Variants in DENND2C observed in about 807,000 individuals in gnomAD.
The protein encoded by DENND2C is DENN domain-containing protein 2C.
In DENND2C, 72 loss-of-function variants were observed where a neutral mutation model predicts 112.4. That is an observed-to-expected ratio of 0.64 (90% CI 0.53 to 0.78). The LOEUF is 0.78. Ranked by LOEUF, DENND2C falls within the 30% of genes least tolerant of loss-of-function variation. The pLI is 0.00. For missense variants in DENND2C, 992 were observed against 1,113.8 expected (o/e 0.89, Z 1.56); for synonymous variants, 329 against 381.6 (o/e 0.86, Z 1.61).
chr1:114,599,651 T>C (rs1224930890), intron 15 of DENND2C, among the ~76,000 whole-genome samples, 200 bp from the exon 16 acceptor site: 1 of 152,208 alleles, frequency 6.6e-6, no homozygotes, highest in Non-Finnish European at 1.5e-5. Flanking sequence ...ATCCAGCTCA[T>C]TTCCACAATT....
chr1:114,603,195 C>T (rs1655564379), intron 11 of DENND2C, among the ~76,000 whole-genome samples: 1 of 151,334 alleles, frequency 6.6e-6, no homozygotes, highest in South Asian at 2.1e-4. Context: ...GGCTGGAGTG[C>T]AGTGGCGCAA....
Position 114,618,595 on chromosome 1 carries a change from A to C in DENND2C, c.1228-113T>G, listed in dbSNP as rs1254041316. 3 of 546,240 alleles carry C rather than the reference A, an allele frequency of 5.5e-6. No individual in the cohort carries two copies. The East Asian group carries it at 1.0e-4, about 18-fold the overall frequency. The allele number at this position is 546,240 out of a possible 1,614,324, so 33.8% of individuals were successfully genotyped here. ...CAGAGAAAAGACCTATTTTATAAATAGAAACCTTTACCTTTTTGAATTTTG... is the reference window on the plus strand; with the variant it reads ...CAGAGAAAAGACCTATTTTATAAATCGAAACCTTTACCTTTTTGAATTTTG... On this transcript the variant is annotated intron_variant, in intron 7 of 20. Coordinates refer to ENST00000393274, the MANE Select transcript of DENND2C (RefSeq NM_001256404.2).
Position 114,599,352 on chromosome 1 carries a change from G to A in DENND2C, c.2205C>T (p.Ile735=), listed in dbSNP as rs762792966. 73 of 1,614,074 alleles carry A rather than the reference G, an allele frequency of 4.5e-5. No homozygotes were observed. The Middle Eastern group carries it at 8.3e-4, about 18-fold the overall frequency. The part of the protein sequence containing the change: ...IPVLPASMID[I]VCSPTPFLIG... ...TAAGGAATGGTGTAGGTGAGCACAC[G>A]ATGTCAATCATAGATGCTGGCAGGA... is the stretch of plus-strand genomic sequence containing the variant. Residue 735 remains isoleucine (I), a synonymous_variant, in exon 16 of 21, where the codon ATC becomes ATT. Coordinates refer to ENST00000393274, the MANE Select transcript of DENND2C (RefSeq NM_001256404.2).
At chr1:114,608,894 A>G (rs1204306969) in intron 9 of DENND2C, 21 bp from the exon 10 acceptor site, 1 of 1,613,564 alleles carries the variant, frequency 6.2e-7, no homozygotes, top group Non-Finnish European at 8.5e-7. Flanking sequence ...ATCATGGAGA[A>G]ATGTTTTTTT....
intron 10 of DENND2C, among the ~76,000 whole-genome samples, chr1:114,607,317 C>T (rs1400464032): frequency 6.6e-6 from 1 of 152,202 alleles, no homozygotes; most frequent in Non-Finnish European, 1.5e-5. Flanking sequence ...TTAAACCCTA[C>T]ACGCAGGGCC....
chr1:114,622,869 C>A, intron 6 of DENND2C, 118 bp downstream of exon 6: 14 of 582,916 alleles, frequency 2.4e-5, no homozygotes, highest in East Asian at 3.6e-5. Context: ...CTACCACCAA[C>A]ATTAAAACTT....
chr1:114,601,083 T>G, intron 13 of DENND2C, 123 bp from the exon 14 acceptor site: 1 of 1,060,828 alleles, frequency 9.4e-7, no homozygotes, highest in Non-Finnish European at 1.3e-6. Flanking sequence ...TTAAGACAGA[T>G]AAGCTTCTGC....
At chr1:114,655,051 T>G (rs545607828) in intron 1 of DENND2C, among the ~76,000 whole-genome samples, 1 of 152,328 alleles carries the variant, frequency 6.6e-6, no homozygotes, top group East Asian at 1.9e-4. Context: ...AAATATAATC[T>G]TTAATCATTT....
chr1:114,592,589 G>A (rs1231630552), intron 18 of DENND2C, among the ~76,000 whole-genome samples: 1 of 152,070 alleles, frequency 6.6e-6, no homozygotes, highest in African/African-American at 2.4e-5. Context: ...GTGTGAGGGT[G>A]CACGCCTGTA....
intron 3 of DENND2C, among the ~76,000 whole-genome samples, chr1:114,636,861 G>A (rs1656671582): frequency 6.6e-6 from 1 of 151,936 alleles, no homozygotes; most frequent in Non-Finnish European, 1.5e-5. Flanking sequence ...AGAACACATG[G>A]TCAGTATAGA....
intron 1 of DENND2C, among the ~76,000 whole-genome samples, chr1:114,656,057 T>C (rs1263811646): frequency 6.6e-6 from 1 of 151,860 alleles, no homozygotes; most frequent in African/African-American, 2.4e-5. Context: ...AAGAAAGCTG[T>C]TCTAAACAAT....
At chr1:114,628,428 C>T (rs959255257) in intron 3 of DENND2C, among the ~76,000 whole-genome samples, 3 of 151,716 alleles carry the variant, frequency 2.0e-5, no homozygotes, top group Non-Finnish European at 2.9e-5. Context: ...TTCAGTTGAA[C>T]AGAGTAGCAC....
At chr1:114,624,339 C>T (rs934444592) in intron 4 of DENND2C, among the ~76,000 whole-genome samples, 4 of 152,142 alleles carry the variant, frequency 2.6e-5, no homozygotes, top group African/African-American at 9.7e-5. Flanking sequence ...TCTCATTCTG[C>T]TGCCCAGGCT....
At position 114,625,414 on chromosome 1, in the gene DENND2C, A is replaced by C. The variant is rs772356087; in HGVS notation, c.571T>G (p.Leu191Val). Reference sequence around the variant, plus strand: ...TCAGGTTCAGAGTAAATATTTTCTAAGCTCTTGGTTATTCCGTATGAACTA... The same window carrying C: ...TCAGGTTCAGAGTAAATATTTTCTACGCTCTTGGTTATTCCGTATGAACTA... ...LDSSYGITKS[L>V]ENIYSEPEGQ... is the part of the protein sequence containing the mutation. The change falls in exon 4 of 21, where the codon TTA (leucine) becomes GTA (valine). Residue 191 changes from leucine (L) to valine (V), a missense_variant. Transcript: ENST00000393274. 6.2e-7 allele frequency: 1 copy of C among 1,614,136 alleles called. No homozygotes were observed. The highest frequency in any genetic ancestry group is 8.5e-7 in the Non-Finnish European group (1 of 1,180,012).
At chr1:114,664,255 C>T (rs1320674011) in intron 1 of DENND2C, among the ~76,000 whole-genome samples, 1 of 151,900 alleles carries the variant, frequency 6.6e-6, no homozygotes, top group Non-Finnish European at 1.5e-5. Flanking sequence ...TAAGCTTTGT[C>T]TATGACTTCC....
Position 114,599,728 on chromosome 1 carries a change from G to A in DENND2C, c.2106-277C>T, listed in dbSNP as rs539083576. 7.2e-5 allele frequency among the ~76,000 whole-genome samples: 11 copies of A among 152,188 alleles called. No homozygotes were observed. In the South Asian group the frequency reaches 2.3e-3, roughly 32 times the overall value. Reference sequence around the variant, plus strand: ...CTTTTGACAATAGGGTAAGCAAAATGCATTTAAAAGGGAAATTTATTACAA... The same window carrying A: ...CTTTTGACAATAGGGTAAGCAAAATACATTTAAAAGGGAAATTTATTACAA... On this transcript the variant is annotated intron_variant, in intron 15 of 20. Coordinates refer to ENST00000393274, the MANE Select transcript of DENND2C (RefSeq NM_001256404.2).
At chr1:114,624,858 T>A (rs1355419938) in intron 4 of DENND2C, among the ~76,000 whole-genome samples, 1 of 152,084 alleles carries the variant, frequency 6.6e-6, no homozygotes, top group Admixed American at 6.6e-5. Flanking sequence ...TGACCTCAAG[T>A]GATCTGCCAG....
intron 7 of DENND2C, among the ~76,000 whole-genome samples, chr1:114,620,991 T>C (rs1570779517): frequency 6.6e-6 from 1 of 152,242 alleles, no homozygotes; most frequent in Non-Finnish European, 1.5e-5. Flanking sequence ...AATATTTAAG[T>C]GATCTGATTT....
At chr1:114,604,402 G>GAAGAA (rs1299228230) in intron 11 of DENND2C, among the ~76,000 whole-genome samples, 1 of 152,188 alleles carries the variant, frequency 6.6e-6, no homozygotes, top group Admixed American at 6.5e-5. Flanking sequence ...ATTTCCTCTA[G>GAAGAA]ATACCTGGAA....
Sources: allele counts gnomAD v4.1 joint callset (sites outside exome capture counted in the v4.1 genomes callset), GRCh38; gene constraint gnomAD v4.1.1; transcripts MANE v1.5; gene names NCBI Gene and HGNC (gene_info 2026-07-23, HGNC 2026-07-21).